AQR: variants seen among roughly 807,000 people sequenced by gnomAD.
AQR encodes aquarius intron-binding spliceosomal factor, also known as RNA helicase aquarius.
Under a neutral mutation model 180.5 loss-of-function variants are expected in AQR, and 61 were observed. The ratio of observed to expected loss-of-function variants is 0.34; its 90% CI spans 0.28 to 0.42. The LOEUF (loss-of-function observed/expected upper bound fraction) is 0.42. AQR is among the 10% of genes least tolerant of loss of function. The probability of loss-of-function intolerance (pLI) is 1.00; values close to 1 mark genes in which losing one functional copy is unlikely to be tolerated. For missense variants in AQR, 1,281 were observed against 1,798.3 expected (o/e 0.71, Z 5.20); for synonymous variants, 551 against 588.8 (o/e 0.94, Z 0.93).
At chr15:34,861,600 C>T (rs1892672188) in intron 33 of AQR, among the ~76,000 whole-genome samples, 1 of 152,156 alleles carries the variant, frequency 6.6e-6, no homozygotes, top group African/African-American at 2.4e-5. Flanking sequence ...GAGCTTGTTA[C>T]ACATGATGAC....
In AQR at chr15:34,957,472, C is replaced by T. The variant is rs141597161; in HGVS notation, c.173+3302G>A. On this transcript the variant is annotated intron_variant, in intron 3 of 34. Coordinates refer to ENST00000156471, the MANE Select transcript of AQR (RefSeq NM_014691.3). Reference sequence around the variant, plus strand: ...CTGTAATCCCAGCACTTTGGGAGGCCGAGGCAAGCGGATCACCTGAGTTCG... The same window carrying T: ...CTGTAATCCCAGCACTTTGGGAGGCTGAGGCAAGCGGATCACCTGAGTTCG... Among the ~76,000 whole-genome samples, 780 of 149,524 alleles carry T rather than the reference C, an allele frequency of 5.2e-3. 9 individuals are homozygous for T. Among genetic ancestry groups the T allele is most frequent in the Non-Finnish European group, 7.5e-3 (502 of 67,178 alleles).
chr15:34,885,010 G>A (rs1002464931), intron 25 of AQR, among the ~76,000 whole-genome samples: 1 of 151,438 alleles, frequency 6.6e-6, no homozygotes, highest in African/African-American at 2.5e-5. Flanking sequence ...CTCTAACTCC[G>A]ACAGTTCAGA....
rs1463605004 is a variant in AQR, at chr15:34,964,305, G to C, written c.76-15C>G. ...TTACATGCTAACTGCAAAGTAAACA[G>C]TATAAACAGTAAGTCCCAGATTCTT... On this transcript the variant is annotated splice_polypyrimidine_tract_variant and intron_variant, in intron 1 of 34. Coordinates refer to ENST00000156471, the MANE Select transcript of AQR (RefSeq NM_014691.3). 5.1e-6 allele frequency: 8 copies of C among 1,583,858 alleles called. No homozygotes were observed. Among genetic ancestry groups the C allele is most frequent in the South Asian group, 1.1e-5 (1 of 89,260 alleles).
At chr15:34,953,410 T>C (rs1216003996) in intron 3 of AQR, among the ~76,000 whole-genome samples, 1 of 152,206 alleles carries the variant, frequency 6.6e-6, no homozygotes, top group Non-Finnish European at 1.5e-5. Context: ...TTTTATAATA[T>C]TGGAAATAGA....
At chr15:34,877,752 C>T (rs529967293) in intron 27 of AQR, among the ~76,000 whole-genome samples, 2 of 152,334 alleles carry the variant, frequency 1.3e-5, no homozygotes, top group African/African-American at 4.8e-5. Flanking sequence ...ACTTTAGCTA[C>T]TTGCTCCATG....
At position 34,856,939 on chromosome 15, in the gene AQR, G is replaced by A; in HGVS notation, c.4311C>T (p.Thr1437=). ...RQETPAFQTD[T]TPSETGATST... ...AAGTGGCTCCTGTCTCACTGGGGGT[G>A]GTGTCAGTTTGAAAGGCTGGAGTTT... Residue 1437 remains threonine, a synonymous_variant, in exon 35 of 35, where the codon ACC becomes ACT. Coordinates refer to ENST00000156471, the MANE Select transcript of AQR (RefSeq NM_014691.3). 3 of 1,614,050 alleles carry A rather than the reference G, an allele frequency of 1.9e-6. No individual in the cohort carries two copies. Among genetic ancestry groups the A allele is most frequent in the Non-Finnish European group, 1.7e-6 (2 of 1,179,978 alleles).
chr15:34,937,211 G>A (rs1893957183), intron 9 of AQR, among the ~76,000 whole-genome samples: 1 of 151,684 alleles, frequency 6.6e-6, no homozygotes, highest in South Asian at 2.1e-4. Context: ...CTAATTTTTT[G>A]TCTTTTTAGT....
chr15:34,941,354 G>A (rs955179614), intron 7 of AQR, among the ~76,000 whole-genome samples: 1 of 152,038 alleles, frequency 6.6e-6, no homozygotes, highest in African/African-American at 2.4e-5. Context: ...AAAAAACAGC[G>A]ATCACAAGTA....
At chr15:34,924,565 G>A (rs939993447) in intron 13 of AQR, among the ~76,000 whole-genome samples, 3 of 151,878 alleles carry the variant, frequency 2.0e-5, no homozygotes. Context: ...CCAAGTAGCT[G>A]GGATTACAGG....
At chr15:34,947,493 C>T (rs1483200088) in intron 5 of AQR, among the ~76,000 whole-genome samples, 1 of 137,468 alleles carries the variant, frequency 7.3e-6, no homozygotes, top group Non-Finnish European at 1.6e-5. Flanking sequence ...CGAGAAACAC[C>T]CAAGAATGAT....
intron 5 of AQR, among the ~76,000 whole-genome samples, chr15:34,945,101 A>T (rs1468313260): frequency 6.6e-6 from 1 of 152,206 alleles, no homozygotes; most frequent in East Asian, 1.9e-4. Flanking sequence ...CAATATTCGT[A>T]GGGTTCTAGC....
At position 34,856,908 on chromosome 15, in the gene AQR, G is replaced by C. The variant is rs766011396; in HGVS notation, c.4342C>G (p.Pro1448Ala). ...TPSETGATST[P>A]EAIPALSETT... ...TCAGATAAAGCAGGGATGGCTTCTGGAGTGGAAGTGGCTCCTGTCTCACTG... is the reference window on the plus strand; with the variant it reads ...TCAGATAAAGCAGGGATGGCTTCTGCAGTGGAAGTGGCTCCTGTCTCACTG... Residue 1448 changes from proline to alanine, a missense_variant, in exon 35 of 35, where the codon CCA becomes GCA. Pro to Ala is a conservative substitution (Grantham distance 27, BLOSUM62 -1). Coordinates refer to ENST00000156471, the MANE Select transcript of AQR (RefSeq NM_014691.3). 10 of 1,613,932 alleles carry C rather than the reference G, an allele frequency of 6.2e-6. No homozygotes were observed. The South Asian group carries it at 1.1e-4, about 18-fold the overall frequency.
chr15:34,931,739 C>T (rs1282613363), intron 11 of AQR, among the ~76,000 whole-genome samples: 4 of 152,082 alleles, frequency 2.6e-5, no homozygotes, highest in African/African-American at 9.7e-5. Context: ...ACCCAGGAGG[C>T]GGAGGTTGCA....
chr15:34,920,252 T>A, intron 14 of AQR, 80 bp downstream of exon 14: 1 of 966,972 alleles, frequency 1.0e-6, no homozygotes, highest in Non-Finnish European at 1.5e-6. Flanking sequence ...CAAAAAAATC[T>A]ATATGAACCT....
At position 34,876,205 on chromosome 15, in the gene AQR, A is replaced by T. The variant is rs185396421; in HGVS notation, c.3166-199T>A. 3.5e-3 allele frequency among the ~76,000 whole-genome samples: 534 copies of T among 152,300 alleles called. 1 individual carries two copies. The highest frequency in any genetic ancestry group is 5.8e-3 in the Non-Finnish European group (395 of 68,022). ...CTTATCATTATGCCTCTGCATTTCC[A>T]ATTCAAGTATTTGACTTCAGGAAAG... On this transcript the variant is annotated intron_variant, in intron 27 of 34. Transcript: ENST00000156471.
Position 34,968,255 on chromosome 15 carries a change from A to AT in AQR, c.75+1283dup, listed in dbSNP as rs11315761. Among the ~76,000 whole-genome samples the AT allele has an allele frequency of 7.3e-3, 1,053 of 143,706 alleles. 17 individuals carry two copies. Among genetic ancestry groups the AT allele is most frequent in the East Asian group, 0.061 (290 of 4,766 alleles). The allele number at this position is 143,706 out of a possible 152,430, so 94.3% of individuals were successfully genotyped here. A position where few individuals can be genotyped will look rare whatever the true frequency, so the allele number is the denominator to read the frequency against. ...GAAAAGGAAGGAAAGGAAGGAAGAG[A>AT]TTTTTTTTTTTTTTTGAGACGGAGT... On this transcript the variant is annotated intron_variant, in intron 1 of 34. Coordinates refer to ENST00000156471, the MANE Select transcript of AQR (RefSeq NM_014691.3).
At chr15:34,904,550 A>G in intron 18 of AQR, 45 bp from the exon 19 acceptor site, 2 of 1,511,904 alleles carry the variant, frequency 1.3e-6, no homozygotes, top group Non-Finnish European at 1.8e-6. Flanking sequence ...TGTATTTTTC[A>G]AATATCAAAA....
At chr15:34,863,174 T>C in intron 32 of AQR, 133 bp from the exon 33 acceptor site, 1 of 763,772 alleles carries the variant, frequency 1.3e-6, no homozygotes, top group Non-Finnish European at 2.0e-6. Flanking sequence ...CTTAAAAACT[T>C]AATAGAAGTT....
chr15:34,884,808 T>A, intron 25 of AQR, 74 bp from the exon 26 acceptor site: 3 of 1,166,670 alleles, frequency 2.6e-6, no homozygotes, highest in Non-Finnish European at 3.6e-6. Context: ...ATAAATCTTA[T>A]AAAAACAAGA....
Sources: gnomAD v4.1 joint callset for allele counts (sites outside exome capture counted in the v4.1 genomes callset) on GRCh38, gnomAD v4.1.1 for gene constraint, MANE v1.5 for transcripts, NCBI Gene and HGNC (gene_info 2026-07-23, HGNC 2026-07-21) for gene names.